Variants in PRRC2B observed in about 807,000 individuals in gnomAD.
The protein encoded by PRRC2B is proline rich coiled-coil 2B.
A neutral mutation model predicts 242.3 loss-of-function variants in PRRC2B; 68 were observed. The observed-to-expected ratio is 0.28, with a 90% CI of 0.23 to 0.34. The LOEUF (loss-of-function observed/expected upper bound fraction) is 0.34, where lower values mean the gene tolerates loss of function less well. Ranked by LOEUF, PRRC2B falls within the 10% of genes least tolerant of loss-of-function variation. The pLI is 1.00. For missense variants in PRRC2B, 2,835 were observed against 2,954.8 expected (o/e 0.96, Z 0.94); for synonymous variants, 1,228 against 1,173.6 (o/e 1.05, Z -0.95).
chr9:131,406,315 A>T (rs1389098683), intron 1 of PRRC2B, among the ~76,000 whole-genome samples: 1 of 152,136 alleles, frequency 6.6e-6, no homozygotes, highest in East Asian at 1.9e-4. Flanking sequence ...TCCACAATGA[A>T]CACCACTGCG....
intron 1 of PRRC2B, among the ~76,000 whole-genome samples, chr9:131,395,924 C>T (rs555268875): frequency 4.2e-4 from 64 of 152,278 alleles, no homozygotes; most frequent in African/African-American, 1.5e-3. Context: ...AGGAGTCCTG[C>T]CTTCTGAGGA....
intron 1 of PRRC2B, among the ~76,000 whole-genome samples, chr9:131,422,619 C>G (rs987020527): frequency 6.6e-6 from 1 of 152,208 alleles, no homozygotes; most frequent in Non-Finnish European, 1.5e-5. Flanking sequence ...GAAATTAATC[C>G]TGTTACCCGG....
chr9:131,399,630 C>T (rs1469953531), intron 1 of PRRC2B, among the ~76,000 whole-genome samples: 1 of 151,948 alleles, frequency 6.6e-6, no homozygotes, highest in African/African-American at 2.4e-5. Context: ...ATATATAAAT[C>T]ACTTGTGACC....
intron 1 of PRRC2B, among the ~76,000 whole-genome samples, chr9:131,394,581 C>G (rs1198252525): frequency 6.6e-6 from 1 of 150,750 alleles, no homozygotes; most frequent in Non-Finnish European, 1.5e-5. Flanking sequence ...CCCGCCACCC[C>G]CGTACCCCCG....
intron 1 of PRRC2B, among the ~76,000 whole-genome samples, chr9:131,378,171 T>A (rs1409833664): frequency 1.3e-5 from 2 of 152,062 alleles, no homozygotes; most frequent in African/African-American, 4.8e-5. Context: ...TAGCCAGGCG[T>A]GGTGGTACCC....
chr9:131,393,719 C>G (rs904389785), upstream of PRRC2B, among the ~76,000 whole-genome samples: 1 of 149,834 alleles, frequency 6.7e-6, no homozygotes, highest in African/African-American at 2.5e-5. Context: ...TCTTTCCGGG[C>G]GCCCTTCCCC....
chr9:131,396,329 T>TTTC (rs1554756951), intron 1 of PRRC2B, among the ~76,000 whole-genome samples: 1 of 120,604 alleles, frequency 8.3e-6, no homozygotes, highest in East Asian at 2.3e-4. Flanking sequence ...TCTTTTCTTT[T>TTTC]TTTTTTTTTT....
At chr9:131,419,218 C>T (rs1837734273) in intron 1 of PRRC2B, among the ~76,000 whole-genome samples, 1 of 152,156 alleles carries the variant, frequency 6.6e-6, no homozygotes, top group African/African-American at 2.4e-5. Context: ...AAATTAGTCA[C>T]AGTAGAGTGT....
intron 28 of PRRC2B, chr9:131,490,850 C>G (rs1048538815): frequency 4.7e-5 from 15 of 316,576 alleles, no homozygotes; most frequent in South Asian, 1.6e-4. Context: ...TGGGACTTGG[C>G]TTCGCCATTA....
Position 131,491,575 on chromosome 9 carries a change from A to G in PRRC2B, c.6376A>G (p.Arg2126Gly). The G allele has an allele frequency of 1.2e-6, 2 of 1,610,050 alleles. No individual in the cohort carries two copies. The highest frequency in any genetic ancestry group is 1.7e-6 in the Non-Finnish European group (2 of 1,178,544). The change falls in exon 29 of 32, where the codon AGA (arginine) becomes GGA (glycine). Residue 2126 changes from arginine to glycine, a missense_variant. This residue lies in a region of PRRC2B where 574 missense variants were observed against 626.0 expected (regional missense o/e 0.92). Transcript: ENST00000683519. ...CCAGCCGCCAGTCCTGAACACCAGCAGAGAGGTAAGGGGACCCCATCTGCC... is the reference window on the plus strand; with the variant it reads ...CCAGCCGCCAGTCCTGAACACCAGCGGAGAGGTAAGGGGACCCCATCTGCC... ...GSQPPVLNTS[R>G]EPSQMEMKGF...
chr9:131,456,442 T>G (rs892979470), intron 10 of PRRC2B, among the ~76,000 whole-genome samples: 1 of 151,668 alleles, frequency 6.6e-6, no homozygotes, highest in South Asian at 2.1e-4. Flanking sequence ...CCATCCTGGC[T>G]AACACAGTGA....
chr9:131,390,781 C>CTTTTTTT (rs57100225), upstream of PRRC2B, among the ~76,000 whole-genome samples: 2 of 36,946 alleles, frequency 5.4e-5, no homozygotes, highest in African/African-American at 1.0e-4. Context: ...TGTGCCCTAG[C>CTTTTTTT]TTTTTTTTTT....
chr9:131,417,461 C>G (rs990817450), intron 1 of PRRC2B, among the ~76,000 whole-genome samples: 1 of 152,114 alleles, frequency 6.6e-6, no homozygotes, highest in African/African-American at 2.4e-5. Context: ...CCCCCCACAT[C>G]TGAGTTCCCA....
chr9:131,490,876 A>C, intron 28 of PRRC2B: 1 of 312,054 alleles, frequency 3.2e-6, no homozygotes, highest in South Asian at 2.8e-5. Flanking sequence ...GACTTTCCTC[A>C]CTCGTCCTCT....
intron 1 of PRRC2B, among the ~76,000 whole-genome samples, chr9:131,396,988 A>G (rs1031585158): frequency 1.3e-5 from 2 of 151,926 alleles, no homozygotes; most frequent in Admixed American, 6.6e-5. Context: ...CATTCCCGCA[A>G]CCATCTTGTT....
At chr9:131,376,115 G>A (rs373089971) in intron 1 of PRRC2B, among the ~76,000 whole-genome samples, 18 of 151,272 alleles carry the variant, frequency 1.2e-4, no homozygotes, top group African/African-American at 4.4e-4. Context: ...TTGGAAGGCT[G>A]AGGCAGGTGG....
intron 4 of PRRC2B, 117 bp from the exon 5 acceptor site, chr9:131,438,872 G>T: frequency 1.4e-6 from 1 of 738,018 alleles, no homozygotes; most frequent in South Asian, 1.6e-5. Flanking sequence ...GTGGTGGATG[G>T]ATCCGTATAG....
intron 30 of PRRC2B, among the ~76,000 whole-genome samples, 181 bp downstream of exon 30, chr9:131,492,441 G>C (rs1261753863): frequency 6.6e-6 from 1 of 152,220 alleles, no homozygotes; most frequent in Non-Finnish European, 1.5e-5. Flanking sequence ...AAATTTGGGG[G>C]AGTGAGGAGT....
intron 10 of PRRC2B, 107 bp downstream of exon 10, chr9:131,455,273 T>C: frequency 1.3e-6 from 1 of 755,524 alleles, no homozygotes; most frequent in Non-Finnish European, 2.2e-6. Context: ...GGCAGACAGA[T>C]GCTGTTTCCA....
Sources: allele counts gnomAD v4.1 joint callset (sites outside exome capture counted in the v4.1 genomes callset), GRCh38; gene constraint gnomAD v4.1.1; regional missense constraint gnomAD v4.1.1; transcripts MANE v1.5; gene names NCBI Gene and HGNC (gene_info 2026-07-23, HGNC 2026-07-21).